Variants in SLC44A5 observed in about 807,000 individuals in gnomAD.
The protein encoded by SLC44A5 is choline transporter-like protein 5.
In SLC44A5, 57 loss-of-function variants were observed where a neutral mutation model predicts 101.8. The observed-to-expected ratio is 0.56, with a 90% CI of 0.45 to 0.70. The LOEUF (loss-of-function observed/expected upper bound fraction) is 0.70. SLC44A5 is among the 30% of genes least tolerant of loss of function. The pLI is 0.00. For missense variants in SLC44A5, 737 were observed against 853.1 expected (o/e 0.86, Z 1.70); for synonymous variants, 281 against 290.9 (o/e 0.97, Z 0.35).
chr1:75,720,592 T>C, the SLC44A5 span, among the ~76,000 whole-genome samples: 1 of 138,984 alleles, frequency 7.2e-6, no homozygotes, highest in African/African-American at 2.9e-5. Flanking sequence ...TAGAAAGAAC[T>C]GTCTGTCAAT....
chr1:75,375,943 G>A (rs1384498357), intron 3 of SLC44A5, among the ~76,000 whole-genome samples: 1 of 152,190 alleles, frequency 6.6e-6, no homozygotes, highest in Non-Finnish European at 1.5e-5. Flanking sequence ...ATCTCACTTG[G>A]GAGTGCCAGG....
intron 5 of SLC44A5, among the ~76,000 whole-genome samples, chr1:75,277,392 C>G (rs564037087): frequency 1.6e-4 from 24 of 152,264 alleles, no homozygotes; most frequent in African/African-American, 5.5e-4. Context: ...TAGATAGCTG[C>G]AGCTCAGAGT....
intron 3 of SLC44A5, among the ~76,000 whole-genome samples, chr1:75,340,441 A>G (rs1657791602): frequency 6.6e-6 from 1 of 152,180 alleles, no homozygotes; most frequent in South Asian, 2.1e-4. Flanking sequence ...TGTCCCTATA[A>G]AAAGGTCTGG....
At chr1:75,280,418 A>ATAT (rs1652402186) in intron 5 of SLC44A5, among the ~76,000 whole-genome samples, 1 of 84,634 alleles carries the variant, frequency 1.2e-5, no homozygotes, top group African/African-American at 4.8e-5. Context: ...TATATATAAT[A>ATAT]TATATATTGT....
chr1:75,415,520 T>A (rs1663583969), intron 2 of SLC44A5, among the ~76,000 whole-genome samples: 1 of 152,168 alleles, frequency 6.6e-6, no homozygotes, highest in South Asian at 2.1e-4. Context: ...ACTAATACAG[T>A]AAATTGATAT....
chr1:75,350,527 T>C (rs1041158996), intron 3 of SLC44A5, among the ~76,000 whole-genome samples: 1 of 150,160 alleles, frequency 6.7e-6, no homozygotes. Flanking sequence ...CTGTAAAAGA[T>C]AAAAGTGTCA....
At chr1:75,678,094 C>A in the SLC44A5 span, among the ~76,000 whole-genome samples, 1 of 152,336 alleles carries the variant, frequency 6.6e-6, no homozygotes, top group Admixed American at 6.5e-5. Context: ...ATATCCTGCA[C>A]CTGGCTCGGA....
At chr1:75,275,752 C>G (rs893471168) in intron 5 of SLC44A5, among the ~76,000 whole-genome samples, 16 of 152,064 alleles carry the variant, frequency 1.1e-4, no homozygotes, top group African/African-American at 3.6e-4. Context: ...CATAGGACCA[C>G]AGAGAGTAAC....
At chr1:75,695,603 A>G in the SLC44A5 span, among the ~76,000 whole-genome samples, 1 of 151,772 alleles carries the variant, frequency 6.6e-6, no homozygotes, top group Non-Finnish European at 1.5e-5. Flanking sequence ...GAGGAAAACA[A>G]AAGACTTAGT....
intron 6 of SLC44A5, among the ~76,000 whole-genome samples, chr1:75,266,318 TACACACACACACAC>T (rs61250669): frequency 4.1e-5 from 6 of 146,940 alleles, no homozygotes; most frequent in South Asian, 4.4e-4. Flanking sequence ...GGCATAGAAA[TACACACACACACAC>T]ACACACACAC....
chr1:75,679,622 T>C, the SLC44A5 span, among the ~76,000 whole-genome samples: 37,875 of 150,598 alleles, frequency 0.25, 4,636 homozygotes, highest in Middle Eastern at 0.36. Context: ...GCGCTAAACA[T>C]GGAAAGGAAC....
At chr1:75,438,249 G>A (rs949804885) in intron 2 of SLC44A5, among the ~76,000 whole-genome samples, 2 of 152,098 alleles carry the variant, frequency 1.3e-5, no homozygotes, top group African/African-American at 2.4e-5. Flanking sequence ...CTTGACAAGT[G>A]TAGTTTTACG....
Position 75,386,052 on chromosome 1 carries a change from C to A in SLC44A5, c.52+10531G>T, listed in dbSNP as rs931360106. ...CTCAATAAATTAGGCATTGATGGGACGTATTTCAAAATAATAAGAGCTATC... is the reference window on the plus strand; with the variant it reads ...CTCAATAAATTAGGCATTGATGGGAAGTATTTCAAAATAATAAGAGCTATC... On this transcript the variant is annotated intron_variant, in intron 3 of 23. Transcript: ENST00000370859. 2.4e-4 allele frequency among the ~76,000 whole-genome samples: 36 copies of A among 152,004 alleles called. 1 individual carries two copies. Among genetic ancestry groups the A allele is most frequent in the Admixed American group, 3.9e-4 (6 of 15,262 alleles).
chr1:75,409,472 T>C (rs960701970), intron 2 of SLC44A5, among the ~76,000 whole-genome samples: 8 of 152,092 alleles, frequency 5.3e-5, no homozygotes, highest in Non-Finnish European at 7.4e-5. Context: ...TTGTTGTTTC[T>C]AGTGCTACCC....
the SLC44A5 span, among the ~76,000 whole-genome samples, chr1:75,654,948 T>A: frequency 6.6e-6 from 1 of 152,190 alleles, no homozygotes; most frequent in Non-Finnish European, 1.5e-5. Flanking sequence ...TATAAGCCCC[T>A]TTGAGCTCCT....
At chr1:75,451,557 C>T (rs2101661733) in intron 2 of SLC44A5, among the ~76,000 whole-genome samples, 1 of 151,966 alleles carries the variant, frequency 6.6e-6, no homozygotes, top group Non-Finnish European at 1.5e-5. Flanking sequence ...AAAACAATGA[C>T]AAAAATTAAA....
intron 1 of SLC44A5, among the ~76,000 whole-genome samples, chr1:75,556,258 G>A (rs183526511): frequency 2.5e-4 from 38 of 152,120 alleles, no homozygotes; most frequent in Non-Finnish European, 3.1e-4. Flanking sequence ...TAATACATAC[G>A]TCAAAACTTA....
intron 4 of SLC44A5, among the ~76,000 whole-genome samples, chr1:75,302,104 GTTTTTTTGTTTTTTTT>G (rs971323751): frequency 8.1e-5 from 4 of 49,590 alleles, no homozygotes; most frequent in African/African-American, 2.8e-4. Flanking sequence ...AGGTGCTCTA[GTTTTTTTGTTTTTTTT>G]TTTTTTTTTT....
At chr1:75,417,027 G>T (rs1239012734) in intron 2 of SLC44A5, among the ~76,000 whole-genome samples, 1 of 152,184 alleles carries the variant, frequency 6.6e-6, no homozygotes, top group Non-Finnish European at 1.5e-5. Flanking sequence ...TTGGGGAACT[G>T]TTGGGAGGGC....
Sources: allele counts gnomAD v4.1 joint callset (sites outside exome capture counted in the v4.1 genomes callset), GRCh38; gene constraint gnomAD v4.1.1; transcripts MANE v1.5; gene names NCBI Gene and HGNC (gene_info 2026-07-23, HGNC 2026-07-21).